The following ADGB variants were observed in gnomAD, a reference collection of about 807,000 sequenced individuals.
ADGB encodes the protein calpain-7-like protein.
In ADGB, 172 loss-of-function variants were observed where a neutral mutation model predicts 210.5. The ratio of observed to expected loss-of-function variants is 0.82; its 90% CI spans 0.72 to 0.93. The LOEUF is 0.93. ADGB is among the 40% of genes least tolerant of loss of function. ADGB has a pLI of 0.00. For missense variants in ADGB, 2,025 were observed against 1,964.8 expected (o/e 1.03, Z -0.58); for synonymous variants, 658 against 662.7 (o/e 0.99, Z 0.11).
chr6:146,690,972 C>T (rs1364419463), intron 10 of ADGB, 144 bp from the exon 11 acceptor site: 1 of 487,888 alleles, frequency 2.0e-6, no homozygotes, highest in Non-Finnish European at 3.4e-6. Context: ...GATAATAATG[C>T]TTATATTAAG....
chr6:146,625,091 T>C (rs763743439), intron 1 of ADGB, among the ~76,000 whole-genome samples: 6 of 152,044 alleles, frequency 3.9e-5, no homozygotes, highest in Non-Finnish European at 8.8e-5. Flanking sequence ...TTGATGATAC[T>C]GTTCTATATT....
intron 17 of ADGB, among the ~76,000 whole-genome samples, chr6:146,721,706 C>G (rs1028055617): frequency 1.3e-5 from 2 of 152,102 alleles, no homozygotes; most frequent in Admixed American, 1.3e-4. Context: ...GGCGTGATGG[C>G]ACGTACCTGT....
intron 30 of ADGB, 56 bp from the exon 31 acceptor site, chr6:146,784,562 T>A (rs1225425836): frequency 4.4e-6 from 6 of 1,354,060 alleles, no homozygotes; most frequent in Non-Finnish European, 5.9e-6. Context: ...TGGTAAAATC[T>A]AGACCCTTTT....
Position 146,734,680 on chromosome 6 carries a change from G to A in ADGB, c.2794+650G>A, listed in dbSNP as rs553422904. ...ATTCAAGCACTTTGGGAGGCTGAGG[G>A]GGGCAGATTGCTTGAGCTCTGGAGT... On this transcript the variant is annotated intron_variant, in intron 22 of 35. Coordinates refer to ENST00000397944, the MANE Select transcript of ADGB (RefSeq NM_024694.4). Among the ~76,000 whole-genome samples, 6 of 152,256 alleles carry A rather than the reference G, an allele frequency of 3.9e-5. No individual in the cohort carries two copies. In the South Asian group the frequency reaches 1.2e-3, roughly 32 times the overall value.
intron 10 of ADGB, among the ~76,000 whole-genome samples, chr6:146,687,936 T>C (rs1451340168): frequency 6.6e-6 from 1 of 152,112 alleles, no homozygotes; most frequent in East Asian, 1.9e-4. Flanking sequence ...ACTTTTGGTG[T>C]GCTACTGAGA....
chr6:146,743,392 G>C (rs550915706), intron 25 of ADGB, among the ~76,000 whole-genome samples: 14 of 152,232 alleles, frequency 9.2e-5, no homozygotes, highest in South Asian at 4.1e-4. Flanking sequence ...CCTTGGGTTG[G>C]GATGGGTTTG....
chr6:146,794,388 T>C (rs2114657165), intron 33 of ADGB, among the ~76,000 whole-genome samples: 1 of 151,996 alleles, frequency 6.6e-6, no homozygotes, highest in South Asian at 2.1e-4. Flanking sequence ...CTCCCCGTGT[T>C]CTATTGTCCC....
At chr6:146,610,333 G>A (rs1463176967) in intron 1 of ADGB, among the ~76,000 whole-genome samples, 1 of 152,158 alleles carries the variant, frequency 6.6e-6, no homozygotes, top group Non-Finnish European at 1.5e-5. Flanking sequence ...TGAATTCTAT[G>A]TCTGTCATTT....
intron 24 of ADGB, 74 bp from the exon 25 acceptor site, chr6:146,741,044 T>C: frequency 8.2e-7 from 1 of 1,226,974 alleles, no homozygotes; most frequent in Non-Finnish European, 1.1e-6. Flanking sequence ...AAAAAATTTC[T>C]TGGCATTAAT....
intron 21 of ADGB, 108 bp from the exon 22 acceptor site, chr6:146,733,785 G>T: frequency 8.4e-7 from 1 of 1,188,750 alleles, no homozygotes. Flanking sequence ...GCTAACTCTT[G>T]CAATGTAGAA....
chr6:146,754,413 C>G (rs998607387), intron 27 of ADGB, among the ~76,000 whole-genome samples: 3 of 151,650 alleles, frequency 2.0e-5, no homozygotes, highest in Non-Finnish European at 4.4e-5. Flanking sequence ...AACCATTTCT[C>G]TACTTTTAAA....
intron 5 of ADGB, among the ~76,000 whole-genome samples, chr6:146,659,061 A>G (rs1179084937): frequency 2.6e-5 from 4 of 152,184 alleles, no homozygotes; most frequent in Non-Finnish European, 5.9e-5. Context: ...GGCTGAGTCA[A>G]TATCTGTGTA....
At chr6:146,687,067 A>G (rs1241483131) in intron 10 of ADGB, among the ~76,000 whole-genome samples, 1 of 152,072 alleles carries the variant, frequency 6.6e-6, no homozygotes, top group Non-Finnish European at 1.5e-5. Context: ...CCTTCCACAA[A>G]AATTTTACTA....
chr6:146,604,131 C>T (rs1780600129), intron 1 of ADGB, among the ~76,000 whole-genome samples: 1 of 152,106 alleles, frequency 6.6e-6, no homozygotes, highest in Non-Finnish European at 1.5e-5. Flanking sequence ...AGTCAATTAA[C>T]AAATTTAAAA....
intron 29 of ADGB, chr6:146,770,589 A>G (rs1435861059): frequency 6.4e-6 from 3 of 470,354 alleles, no homozygotes; most frequent in African/African-American, 6.0e-5. Flanking sequence ...ATGCATGAAC[A>G]TGCCACACCA....
intron 26 of ADGB, among the ~76,000 whole-genome samples, chr6:146,751,450 T>G (rs1777320118): frequency 1.3e-5 from 2 of 152,100 alleles, no homozygotes; most frequent in African/African-American, 4.8e-5. Flanking sequence ...TATGCATGCA[T>G]GTATCTTTAT....
At chr6:146,775,940 C>G (rs946546193) in intron 29 of ADGB, among the ~76,000 whole-genome samples, 3 of 151,658 alleles carry the variant, frequency 2.0e-5, no homozygotes, top group African/African-American at 7.3e-5. Context: ...TTTCAAATTC[C>G]AACCTGATTT....
chr6:146,763,881 T>G lies in ADGB; in HGVS notation c.3551-20T>G, dbSNP rs1434964105. On this transcript the variant is annotated intron_variant, in intron 27 of 35. Transcript: ENST00000397944. ...GTATATCACATATTTTAACTTTAAC[T>G]TAGTATTTCTCCTATTCAGCTAGCA... The G allele has an allele frequency of 6.5e-7, 1 of 1,538,748 alleles. No individual in the cohort carries two copies. Among genetic ancestry groups the G allele is most frequent in the African/African-American group, 1.4e-5 (1 of 72,536 alleles).
chr6:146,792,502 G>T (rs571264801), intron 33 of ADGB, among the ~76,000 whole-genome samples: 2 of 151,776 alleles, frequency 1.3e-5, no homozygotes, highest in Non-Finnish European at 2.9e-5. Flanking sequence ...CTATAATCAT[G>T]ATTCATCATT....
Sources: gnomAD v4.1 joint callset for allele counts (sites outside exome capture counted in the v4.1 genomes callset) on GRCh38, gnomAD v4.1.1 for gene constraint, MANE v1.5 for transcripts, NCBI Gene and HGNC (gene_info 2026-07-23, HGNC 2026-07-21) for gene names.